The following RIMS2 variants were observed in gnomAD, a reference collection of about 807,000 sequenced individuals.
The protein encoded by RIMS2 is regulating synaptic membrane exocytosis protein 2.
In RIMS2, 59 loss-of-function variants were observed where a neutral mutation model predicts 174.4. The observed-to-expected ratio is 0.34, with a 90% confidence interval of 0.27 to 0.42. RIMS2 has a LOEUF of 0.42. Among genes scored for constraint, RIMS2 ranks in the 10% least tolerant of loss-of-function variants. The pLI is 1.00. For missense variants in RIMS2, 1,620 were observed against 1,666.3 expected (o/e 0.97, Z 0.48); for synonymous variants, 606 against 572.5 (o/e 1.06, Z -0.84).
Position 103,552,972 on chromosome 8 carries a change from A to G in RIMS2, c.176+51910A>G, listed in dbSNP as rs1418454465. On this transcript the variant is annotated intron_variant, in intron 1 of 23. Coordinates refer to ENST00000504942, the Ensembl canonical transcript of RIMS2. ...CAGGTGCTGGAGAGGATGTGGAGAAATAGGAACACTTTTACACTGTTGGTG... is the reference window on the plus strand; with the variant it reads ...CAGGTGCTGGAGAGGATGTGGAGAAGTAGGAACACTTTTACACTGTTGGTG... Among the ~76,000 whole-genome samples the G allele has an allele frequency of 3.9e-5, 6 of 152,330 alleles. No homozygotes were observed. In the East Asian group the frequency reaches 1.2e-3, roughly 29 times the overall value.
In RIMS2 at chr8:103,531,558, A is replaced by G. The variant is rs1837165497; in HGVS notation, c.176+30496A>G. Reference sequence around the variant, plus strand: ...ACCCTCATACCTCACCCTTTACATTACAGTGCATATCTGATCCACTCTTTG... The same window carrying G: ...ACCCTCATACCTCACCCTTTACATTGCAGTGCATATCTGATCCACTCTTTG... On this transcript the variant is annotated intron_variant, in intron 1 of 23. Coordinates refer to ENST00000504942, the Ensembl canonical transcript of RIMS2. Among the ~76,000 whole-genome samples the G allele has an allele frequency of 2.6e-5, 4 of 152,170 alleles. No homozygotes were observed. The South Asian group carries it at 8.3e-4, about 32-fold the overall frequency.
intron 1 of RIMS2, among the ~76,000 whole-genome samples, chr8:103,588,220 A>G (rs1453266581): frequency 6.6e-6 from 1 of 152,000 alleles, no homozygotes; most frequent in East Asian, 1.9e-4. Flanking sequence ...TACAATGAAA[A>G]CTATAAAACA....
chr8:103,743,344 G>T (rs932233743), intron 2 of RIMS2, among the ~76,000 whole-genome samples: 1 of 152,124 alleles, frequency 6.6e-6, no homozygotes, highest in Non-Finnish European at 1.5e-5. Flanking sequence ...AGAAAATTAT[G>T]ATGACTCCAG....
chr8:103,855,403 G>A (rs1564933353), intron 3 of RIMS2, among the ~76,000 whole-genome samples: 1 of 151,686 alleles, frequency 6.6e-6, no homozygotes, highest in Non-Finnish European at 1.5e-5. Flanking sequence ...CTTTGGGATT[G>A]GTTCATTCTT....
intron 1 of RIMS2, among the ~76,000 whole-genome samples, chr8:103,619,282 A>C (rs1296476808): frequency 6.6e-6 from 1 of 152,054 alleles, no homozygotes; most frequent in Admixed American, 6.6e-5. Context: ...AAAAAAACAA[A>C]GTTGTATTTT....
chr8:103,603,252 G>T (rs2094854723), intron 1 of RIMS2, among the ~76,000 whole-genome samples: 1 of 150,178 alleles, frequency 6.7e-6, no homozygotes, highest in Admixed American at 6.7e-5. Context: ...GCGGTGTTTG[G>T]TTTTTTGTTC....
intron 1 of RIMS2, among the ~76,000 whole-genome samples, chr8:103,696,097 G>C (rs931755817): frequency 6.6e-6 from 1 of 151,964 alleles, no homozygotes; most frequent in Admixed American, 6.6e-5. Context: ...ACATATGGTA[G>C]GTTGGGTTAA....
intron 17 of RIMS2, among the ~76,000 whole-genome samples, chr8:104,005,363 C>T (rs1461521271): frequency 6.6e-6 from 1 of 152,114 alleles, no homozygotes; most frequent in East Asian, 1.9e-4. Context: ...GATTCCTGGA[C>T]TGTGAAATGT....
intron 19 of RIMS2, among the ~76,000 whole-genome samples, chr8:104,069,593 C>T (rs981626932): frequency 1.3e-5 from 2 of 151,156 alleles, no homozygotes; most frequent in Admixed American, 6.6e-5. Context: ...CTCAGCCTGC[C>T]AAGTACCTGG....
intron 15 of RIMS2, among the ~76,000 whole-genome samples, chr8:103,964,767 T>C (rs1461242006): frequency 6.6e-6 from 1 of 152,190 alleles, no homozygotes; most frequent in African/African-American, 2.4e-5. Flanking sequence ...TGATTTCTCC[T>C]ATGTTATCTT....
At chr8:103,902,314 G>A (rs1234247978) in intron 4 of RIMS2, among the ~76,000 whole-genome samples, 1 of 152,088 alleles carries the variant, frequency 6.6e-6, no homozygotes, top group Non-Finnish European at 1.5e-5. Context: ...GACTAGCAAG[G>A]CAAAGTCTTA....
At chr8:104,158,213 C>T (rs564313769) in intron 19 of RIMS2, among the ~76,000 whole-genome samples, 2 of 152,240 alleles carry the variant, frequency 1.3e-5, no homozygotes, top group South Asian at 2.1e-4. Flanking sequence ...CATGTCCCTG[C>T]GAAGGACATG....
intron 19 of RIMS2, among the ~76,000 whole-genome samples, chr8:104,044,896 A>G (rs1031279661): frequency 5.9e-5 from 9 of 151,782 alleles, no homozygotes; most frequent in Non-Finnish European, 1.0e-4. Context: ...AAGAGAGAAT[A>G]ATACAGACGA....
chr8:104,026,363 G>A (rs1446747710), intron 19 of RIMS2, among the ~76,000 whole-genome samples: 3 of 152,086 alleles, frequency 2.0e-5, no homozygotes, highest in African/African-American at 7.2e-5. Context: ...GTCTCAAATA[G>A]TTTTGTTTCC....
intron 19 of RIMS2, among the ~76,000 whole-genome samples, chr8:104,102,279 A>T (rs1436126314): frequency 6.6e-6 from 1 of 152,156 alleles, no homozygotes; most frequent in East Asian, 1.9e-4. Context: ...CTATACACTC[A>T]GTCTCAGTGC....
At chr8:103,670,490 T>C (rs781037274) in intron 1 of RIMS2, among the ~76,000 whole-genome samples, 5 of 152,246 alleles carry the variant, frequency 3.3e-5, no homozygotes, top group Non-Finnish European at 7.3e-5. Flanking sequence ...CTGCAAATTT[T>C]CTGAACTTTT....
intron 3 of RIMS2, among the ~76,000 whole-genome samples, chr8:103,813,708 C>T (rs2098702496): frequency 6.6e-6 from 1 of 152,130 alleles, no homozygotes; most frequent in Non-Finnish European, 1.5e-5. Context: ...CAGCTTCATC[C>T]ATGTCCCTAC....
intron 19 of RIMS2, among the ~76,000 whole-genome samples, chr8:104,084,023 G>A (rs2097484168): frequency 6.6e-6 from 1 of 152,072 alleles, no homozygotes; most frequent in South Asian, 2.1e-4. Context: ...TAAGATATTT[G>A]AAAGTTGTTT....
At chr8:103,717,148 T>G (rs1031765622) in intron 2 of RIMS2, among the ~76,000 whole-genome samples, 1 of 149,926 alleles carries the variant, frequency 6.7e-6, no homozygotes, top group African/African-American at 2.4e-5. Flanking sequence ...CTTTTTTTTT[T>G]TTTTTTTTTT....
Sources: gnomAD v4.1 joint callset for allele counts (sites outside exome capture counted in the v4.1 genomes callset) on GRCh38, gnomAD v4.1.1 for gene constraint, MANE v1.5 for transcripts, NCBI Gene and HGNC (gene_info 2026-07-23, HGNC 2026-07-21) for gene names.